MIOS: variants seen among roughly 807,000 people sequenced by gnomAD.
The protein encoded by MIOS is GATOR2 complex protein MIOS.
MIOS carries 52 observed loss-of-function variants against 96.9 expected under a neutral mutation model. The observed-to-expected ratio is 0.54, with a 90% CI of 0.43 to 0.68. The LOEUF is 0.68. Ranked by LOEUF, MIOS falls within the 30% of genes least tolerant of loss-of-function variation. The pLI, the probability that MIOS is intolerant of heterozygous loss-of-function variation, is 0.00. For synonymous variants in MIOS, 397 were observed against 359.5 expected (o/e 1.10, Z -1.18); for missense variants, 1,005 against 1,052.8 (o/e 0.95, Z 0.63).
intron 11 of MIOS, among the ~76,000 whole-genome samples, chr7:7,598,338 A>G (rs1351685965): frequency 6.6e-6 from 1 of 152,240 alleles, no homozygotes; most frequent in Non-Finnish European, 1.5e-5. Context: ...AGTCTGCTTT[A>G]TCATTACATT....
intron 11 of MIOS, among the ~76,000 whole-genome samples, chr7:7,599,937 A>G (rs193014847): frequency 4.9e-4 from 75 of 152,312 alleles, no homozygotes; most frequent in African/African-American, 1.8e-3. Flanking sequence ...ACAGAAAACC[A>G]AATACCACAT....
In MIOS at chr7:7,574,085, T is replaced by C. The variant is rs1208355674; in HGVS notation, c.1295-13T>C. ...TGTCATGCATCACTAGTATTTCCTA[T>C]GCATTTAAATACTTATGAAGCAATA... On this transcript the variant is annotated splice_polypyrimidine_tract_variant and intron_variant, in intron 4 of 12. Coordinates refer to ENST00000340080, the MANE Select transcript of MIOS (RefSeq NM_019005.4). 1 of 1,538,294 alleles carries C rather than the reference T, an allele frequency of 6.5e-7. No homozygotes were observed. Among genetic ancestry groups the C allele is most frequent in the Non-Finnish European group, 8.9e-7 (1 of 1,123,418 alleles).
intron 9 of MIOS, among the ~76,000 whole-genome samples, chr7:7,591,751 T>A (rs1181539986): frequency 6.6e-6 from 1 of 152,192 alleles, no homozygotes; most frequent in Non-Finnish European, 1.5e-5. Context: ...GTTCATTTTA[T>A]CCTGTTTGTG....
Position 7,608,174 on chromosome 7 carries a change from T to TTC in MIOS, c.*1082_*1083insTC, listed in dbSNP as rs77685651. ...GTACTTTATTTAAAACATTTTTTTT[T>TTC]CTCATTTCATAGCTAGATAGTTGTA... On this transcript the variant is annotated 3_prime_UTR_variant, in exon 13 of 13. Coordinates refer to ENST00000340080, the MANE Select transcript of MIOS (RefSeq NM_019005.4). 17 of 151,204 alleles carry TTC rather than the reference T, an allele frequency of 1.1e-4. No individual in the cohort carries two copies. The highest frequency in any genetic ancestry group is 2.4e-4 in the Non-Finnish European group (16 of 67,804). 9.4% of individuals were successfully genotyped at this position (151,204 alleles called of 1,614,324 possible).
chr7:7,596,472 A>T lies in MIOS; in HGVS notation c.2401+11A>T. 1 of 1,603,588 alleles carries T rather than the reference A, an allele frequency of 6.2e-7. No homozygotes were observed. The highest frequency in any genetic ancestry group is 1.7e-5 in the Admixed American group (1 of 59,984). On this transcript the variant is annotated intron_variant, in intron 11 of 12. Coordinates refer to ENST00000340080, the MANE Select transcript of MIOS (RefSeq NM_019005.4). The stretch of plus-strand genomic sequence containing the variant: ...TTTCTAGCTGTCCTGGTATGACATA[A>T]TTTTACAAAATACTTTTATGAACTG...
chr7:7,568,984 A>G (rs1783252369), intron 3 of MIOS, among the ~76,000 whole-genome samples: 2 of 152,220 alleles, frequency 1.3e-5, no homozygotes, highest in Admixed American at 6.5e-5. Context: ...TATGTTTTGT[A>G]AGATGGATTT....
intron 11 of MIOS, among the ~76,000 whole-genome samples, chr7:7,601,948 A>G (rs1394379416): frequency 6.6e-6 from 1 of 152,230 alleles, no homozygotes; most frequent in Non-Finnish European, 1.5e-5. Context: ...AATCCAGCAC[A>G]TAAACAGAAC....
intron 5 of MIOS, among the ~76,000 whole-genome samples, chr7:7,580,672 C>G (rs1036257160): frequency 1.8e-4 from 27 of 147,002 alleles, no homozygotes; most frequent in African/African-American, 6.8e-4. Flanking sequence ...GAGTTTAGAC[C>G]TTTGACTATG....
chr7:7,596,607 T>C, intron 11 of MIOS, 146 bp downstream of exon 11: 1 of 746,222 alleles, frequency 1.3e-6, no homozygotes, highest in Non-Finnish European at 2.1e-6. Context: ...TATGTTCCTA[T>C]AATTTATGAA....
intron 3 of MIOS, among the ~76,000 whole-genome samples, chr7:7,570,841 C>T (rs1783327236): frequency 6.6e-6 from 1 of 152,172 alleles, no homozygotes; most frequent in South Asian, 2.1e-4. Flanking sequence ...AGCTCCCTTG[C>T]CTGCTGCTCA....
At chr7:7,569,779 C>T (rs949249911) in intron 3 of MIOS, among the ~76,000 whole-genome samples, 6 of 152,014 alleles carry the variant, frequency 3.9e-5, no homozygotes, top group African/African-American at 9.7e-5. Flanking sequence ...GGGTGGTTGA[C>T]GTCAAGGTTG....
intron 8 of MIOS, 73 bp from the exon 9 acceptor site, chr7:7,589,332 C>T: frequency 1.5e-6 from 2 of 1,330,780 alleles, no homozygotes; most frequent in Non-Finnish European, 1.0e-6. Flanking sequence ...TGAAATTGTT[C>T]AAAATGTAGT....
At chr7:7,577,839 A>G (rs774649030) in intron 5 of MIOS, among the ~76,000 whole-genome samples, 1 of 152,140 alleles carries the variant, frequency 6.6e-6, no homozygotes, top group Non-Finnish European at 1.5e-5. Flanking sequence ...CTTGAGAAAT[A>G]TGGGAGGATT....
At chr7:7,571,906 T>G (rs1783367928) in intron 3 of MIOS, among the ~76,000 whole-genome samples, 1 of 152,258 alleles carries the variant, frequency 6.6e-6, no homozygotes, top group African/African-American at 2.4e-5. Flanking sequence ...TAAAATTTGT[T>G]AAAATTAAGG....
intron 5 of MIOS, among the ~76,000 whole-genome samples, chr7:7,575,209 AT>A (rs949698383): frequency 2.0e-5 from 3 of 152,176 alleles, no homozygotes; most frequent in Non-Finnish European, 4.4e-5. Flanking sequence ...AGTAAATCCA[AT>A]TTGATTTTTT....
intron 6 of MIOS, among the ~76,000 whole-genome samples, chr7:7,584,363 C>G (rs975637605): frequency 6.6e-6 from 1 of 152,076 alleles, no homozygotes; most frequent in African/African-American, 2.4e-5. Flanking sequence ...AAGGGTGATA[C>G]TTTCCTATCT....
intron 9 of MIOS, among the ~76,000 whole-genome samples, chr7:7,593,897 A>AAAAG (rs1784124575): frequency 2.2e-5 from 2 of 92,924 alleles, no homozygotes; most frequent in African/African-American, 9.0e-5. Flanking sequence ...AAAAAAAAAG[A>AAAAG]AAAAGAAAAG....
At chr7:7,583,082 G>C (rs1783780673) in intron 5 of MIOS, 36 bp from the exon 6 acceptor site, 1 of 1,566,122 alleles carries the variant, frequency 6.4e-7, no homozygotes, top group Non-Finnish European at 8.7e-7. Flanking sequence ...AATATATTTT[G>C]AAATAAAACA....
intron 11 of MIOS, among the ~76,000 whole-genome samples, chr7:7,603,956 G>A (rs575207515): frequency 1.3e-4 from 19 of 151,756 alleles, no homozygotes; most frequent in African/African-American, 3.6e-4. Flanking sequence ...GCAAACTATC[G>A]CAAGGACAAA....
Sources: gnomAD v4.1 joint callset for allele counts (sites outside exome capture counted in the v4.1 genomes callset) on GRCh38, gnomAD v4.1.1 for gene constraint, MANE v1.5 for transcripts, NCBI Gene and HGNC (gene_info 2026-07-23, HGNC 2026-07-21) for gene names.